The following KIF1C variants were observed in gnomAD, a reference collection of about 807,000 sequenced individuals.
KIF1C encodes the protein kinesin-like protein KIF1C.
In KIF1C, 61 loss-of-function variants were observed where a neutral mutation model predicts 126.5. The ratio of observed to expected loss-of-function variants is 0.48; its 90% confidence interval spans 0.39 to 0.60. The LOEUF (loss-of-function observed/expected upper bound fraction) is 0.60, where lower values mean the gene tolerates loss of function less well. KIF1C is among the 20% of genes least tolerant of loss of function. KIF1C has a pLI of 0.00. For missense variants in KIF1C, 1,315 were observed against 1,489.2 expected (o/e 0.88, Z 1.93); for synonymous variants, 640 against 580.6 (o/e 1.10, Z -1.47).
Position 5,024,032 on chromosome 17 carries a change from C to A in KIF1C, c.3193C>A (p.Pro1065Thr), listed in dbSNP as rs1200208611. 6.3e-7 allele frequency: 1 copy of A among 1,594,420 alleles called. No homozygotes were observed. Among genetic ancestry groups the A allele is most frequent in the Non-Finnish European group, 8.5e-7 (1 of 1,169,954 alleles). The change falls in exon 23 of 23, where the codon CCC (proline) becomes ACC (threonine). Residue 1065 changes from proline to threonine, a missense_variant. By Grantham distance (38) the Pro-to-Thr change is conservative. This residue lies in a region of KIF1C where 441 missense variants were observed against 436.1 expected (regional missense o/e 1.01). Coordinates refer to ENST00000320785, the MANE Select transcript of KIF1C (RefSeq NM_006612.6). The part of the protein sequence containing the change: ...PKKHNSYPQP[P>T]QPYPAQRPPG... ...AAAGCACAACTCTTATCCCCAGCCA[C>A]CCCAACCCTACCCAGCCCAGCGGCC... is the stretch of plus-strand genomic sequence containing the variant.
intron 3 of KIF1C, 91 bp from the exon 4 acceptor site, chr17:5,000,681 T>A: frequency 8.9e-7 from 1 of 1,128,592 alleles, no homozygotes; most frequent in Non-Finnish European, 1.4e-6. Context: ...AGGAGTGGGA[T>A]GCTTGGATTC....
rs1214532622 is a variant in KIF1C at position 5,026,898 on chromosome 17, G to A, written c.*2747G>A. 6.6e-6 allele frequency: 1 copy of A among 151,900 alleles called. No homozygotes were observed. Among genetic ancestry groups the A allele is most frequent in the African/African-American group, 2.4e-5 (1 of 41,354 alleles). The allele number at this position is 151,900 out of a possible 1,614,324, so 9.4% of individuals were successfully genotyped here. ...AGGCCAGGAATTTGAGACCAGCCTG[G>A]GCAACATAGTGAGACTGCCCCCCCC... is the stretch of plus-strand genomic sequence containing the variant. On this transcript the variant is annotated 3_prime_UTR_variant, in exon 23 of 23. Transcript: ENST00000320785.
intron 16 of KIF1C, among the ~76,000 whole-genome samples, chr17:5,012,518 G>T (rs954699813): frequency 2.0e-5 from 3 of 152,102 alleles, no homozygotes; most frequent in Non-Finnish European, 4.4e-5. Flanking sequence ...ATGGACTGGA[G>T]CCGGGACATG....
Position 5,023,453 on chromosome 17 carries a change from A to G in KIF1C, c.2629-15A>G, listed in dbSNP as rs1200541367. On this transcript the variant is annotated splice_polypyrimidine_tract_variant and intron_variant, in intron 22 of 22. Transcript: ENST00000320785. The surrounding 1 kb of genome is among the most constrained non-coding windows in gnomAD (Gnocchi z 4.2). ...TCCTCACATCCCTTCTCCTTTTCTC[A>G]CTCCTCCCTCCCAGGATCATGAGGA... The G allele has an allele frequency of 1.2e-6, 2 of 1,607,030 alleles. No individual in the cohort carries two copies. Among genetic ancestry groups the G allele is most frequent in the Admixed American group, 3.4e-5 (2 of 59,616 alleles).
At chr17:5,009,024 T>C (rs1318212293) in intron 16 of KIF1C, among the ~76,000 whole-genome samples, 1 of 151,574 alleles carries the variant, frequency 6.6e-6, no homozygotes, top group Non-Finnish European at 1.5e-5. Flanking sequence ...ATTGTTCTTA[T>C]AAAGGTAATA....
chr17:5,003,716 T>C, intron 9 of KIF1C, 27 bp downstream of exon 9: 1 of 1,603,460 alleles, frequency 6.2e-7, no homozygotes, highest in Non-Finnish European at 8.5e-7. Flanking sequence ...GGGTGGTTTG[T>C]TGTGGGGCAG....
At chr17:5,012,560 A>G (rs911155445) in intron 16 of KIF1C, among the ~76,000 whole-genome samples, 2 of 152,036 alleles carry the variant, frequency 1.3e-5, no homozygotes, top group African/African-American at 4.8e-5. Flanking sequence ...GGGAAAAAGT[A>G]GGCTCAAGTC....
Position 5,023,473 on chromosome 17 carries a change from T to C in KIF1C, c.2634T>C (p.His878=), listed in dbSNP as rs1300906935. The change falls in exon 23 of 23, where the codon CAT becomes CAC. Residue 878 remains histidine, a synonymous_variant. Coordinates refer to ENST00000320785, the MANE Select transcript of KIF1C (RefSeq NM_006612.6). This position sits in a 1 kb window ranked among gnomAD's most constrained non-coding sequence, Gnocchi z 4.2. ...TTCTCACTCCTCCCTCCCAGGATCA[T>C]GAGGATGAGAATGAAGAAGGTGGTG... ...MERVIPLAQD[H]EDENEEGGEV... 6.2e-7 allele frequency: 1 copy of C among 1,612,172 alleles called. No individual in the cohort carries two copies. The highest frequency in any genetic ancestry group is 1.1e-5 in the South Asian group (1 of 91,026).
At chr17:5,015,547 G>A (rs1175946168) in intron 18 of KIF1C, among the ~76,000 whole-genome samples, 5 of 145,994 alleles carry the variant, frequency 3.4e-5, no homozygotes, top group African/African-American at 1.0e-4. Context: ...GCCTTCCGAA[G>A]TGCTGGGATT....
At chr17:5,001,128 C>G (rs375912561) in intron 4 of KIF1C, 94 bp from the exon 5 acceptor site, 12 of 1,316,628 alleles carry the variant, frequency 9.1e-6, no homozygotes, top group African/African-American at 1.5e-5. Flanking sequence ...TTTGGGGAAT[C>G]GTCAGTGATG....
chr17:5,014,217 G>GGT (rs1399632200), intron 17 of KIF1C: 1 of 174,604 alleles, frequency 5.7e-6, no homozygotes, highest in African/African-American at 2.4e-5. Flanking sequence ...GGCTGTCCTT[G>GGT]GTAGTCATCT....
At position 5,002,712 on chromosome 17, in the gene KIF1C, C is replaced by T. The variant is rs571473223; in HGVS notation, c.609-19C>T. 2 of 1,613,714 alleles carry T rather than the reference C, an allele frequency of 1.2e-6. No individual in the cohort carries two copies. Among genetic ancestry groups the T allele is most frequent in the Non-Finnish European group, 1.7e-6 (2 of 1,179,648 alleles). ...GAAGGTGAGAGGCAGGATCCAGTGACTGCTTTCTTTACCCTAAGGACTGTG... is the reference window on the plus strand; with the variant it reads ...GAAGGTGAGAGGCAGGATCCAGTGATTGCTTTCTTTACCCTAAGGACTGTG... On this transcript the variant is annotated intron_variant, in intron 7 of 22. Transcript: ENST00000320785.
Position 5,004,910 on chromosome 17 carries a change from A to G in KIF1C, c.1075A>G (p.Asn359Asp). 6.2e-7 allele frequency: 1 copy of G among 1,614,202 alleles called. No homozygotes were observed. Among genetic ancestry groups the G allele is most frequent in the African/African-American group, 1.3e-5 (1 of 75,052 alleles). The change falls in exon 13 of 23, where the codon AAT becomes GAT. Residue 359 changes from asparagine to aspartate, a missense_variant. Transcript: ENST00000320785. ...CAATGCCATCATCAACGAGGACCCT[A>G]ATGCCCGGCTGATTAGAGAGCTGCA... is the stretch of plus-strand genomic sequence containing the variant. ...RCNAIINEDP[N>D]ARLIRELQEE...
At position 5,023,883 on chromosome 17, in the gene KIF1C, C is replaced by T. The variant is rs375145620; in HGVS notation, c.3044C>T (p.Thr1015Ile). 2 of 1,541,470 alleles carry T rather than the reference C, an allele frequency of 1.3e-6. No individual in the cohort carries two copies. Among genetic ancestry groups the T allele is most frequent in the African/African-American group, 1.4e-5 (1 of 72,578 alleles). The change falls in exon 23 of 23, where the codon ACC becomes ATC. Residue 1015 changes from threonine (T) to isoleucine (I), a missense_variant. Physicochemically the swap from Thr to Ile is moderately conservative, Grantham distance 89 (BLOSUM62 -1). This residue lies in a region of KIF1C where 441 missense variants were observed against 436.1 expected (regional missense o/e 1.01). Transcript: ENST00000320785. This position sits in a 1 kb window ranked among gnomAD's most constrained non-coding sequence, Gnocchi z 4.2. ...GAGGAGGTCACTCCCCATCCAGCCA[C>T]CCCTGCCCGCCGGCCTCCGAGTCCC... Reference protein sequence around the residue: ...PPEEVTPHPATPARRPPSPRR... With the variant: ...PPEEVTPHPAIPARRPPSPRR...
chr17:5,023,581 C>T lies in KIF1C; in HGVS notation c.2742C>T (p.Pro914=), dbSNP rs745907130. The change falls in exon 23 of 23, where the codon CCC becomes CCT. Residue 914 remains proline, a synonymous_variant. Transcript: ENST00000320785. This position sits in a 1 kb window ranked among gnomAD's most constrained non-coding sequence, Gnocchi z 4.2. The part of the protein sequence containing the change: ...PSDRMPSARP[P]SPPLSSWERV... ...ACCGCATGCCGTCAGCCCGGCCCCCCTCGCCACCACTGTCAAGCTGGGAGC... is the reference window on the plus strand; with the variant it reads ...ACCGCATGCCGTCAGCCCGGCCCCCTTCGCCACCACTGTCAAGCTGGGAGC... The T allele has an allele frequency of 4.3e-6, 7 of 1,613,550 alleles. No individual in the cohort carries two copies. Among genetic ancestry groups the T allele is most frequent in the Non-Finnish European group, 5.9e-6 (7 of 1,179,860 alleles).
chr17:5,028,100 TGTGA>T lies in KIF1C; in HGVS notation c.*3954_*3957del, dbSNP rs1975239533. ...CCCTCTCAAATTGCCCAGGCTGTCC[TGTGA>T]GTGACAGCAGCTATTTCGTGGGCCT... On this transcript the variant is annotated 3_prime_UTR_variant, in exon 23 of 23. Transcript: ENST00000320785. 1 of 152,230 alleles carries T rather than the reference TGTGA, an allele frequency of 6.6e-6. No individual in the cohort carries two copies. Among genetic ancestry groups the T allele is most frequent in the African/African-American group, 2.4e-5 (1 of 41,464 alleles). The allele number at this position is 152,230 out of a possible 1,614,324, so 9.4% of individuals were successfully genotyped here.
At chr17:5,004,456 C>A in intron 11 of KIF1C, 111 bp from the exon 12 acceptor site, 1 of 979,452 alleles carries the variant, frequency 1.0e-6, no homozygotes, top group Non-Finnish European at 1.6e-6. Context: ...CTACCTCAGA[C>A]CATGACCCTG....
In KIF1C at chr17:5,022,500, G is replaced by C. The variant is rs1477487835; in HGVS notation, c.2419G>C (p.Val807Leu). Residue 807 changes from valine (V) to leucine (L), a missense_variant, in exon 22 of 23, where the codon GTA (valine) becomes CTA (leucine). By Grantham distance (32) the Val-to-Leu change is conservative. This residue lies in a region of KIF1C where 441 missense variants were observed against 436.1 expected (regional missense o/e 1.01). Transcript: ENST00000320785. This position sits in a 1 kb window ranked among gnomAD's most constrained non-coding sequence, Gnocchi z 4.9. ...TGTGGCCCGGGATGTCTGGGACACT[G>C]TAGGCGAGGAGGAAGGAGGTGGAGC... ...RAVARDVWDT[V>L]GEEEGGGAGS... 3 of 1,587,668 alleles carry C rather than the reference G, an allele frequency of 1.9e-6. No individual in the cohort carries two copies. In the East Asian group the frequency reaches 6.9e-5, roughly 36 times the overall value.
At chr17:4,998,670 T>G (rs1974467457) in intron 1 of KIF1C, among the ~76,000 whole-genome samples, 1 of 152,192 alleles carries the variant, frequency 6.6e-6, no homozygotes, top group African/African-American at 2.4e-5. Flanking sequence ...CTGAGCCAGC[T>G]TCTGTGATTC....
Sources: gnomAD v4.1 joint callset for allele counts (sites outside exome capture counted in the v4.1 genomes callset) on GRCh38, gnomAD v4.1.1 for gene constraint, gnomAD v4.1.1 regional missense constraint, Gnocchi (gnomAD v3.1) non-coding constraint, MANE v1.5 for transcripts, NCBI Gene and HGNC (gene_info 2026-07-23, HGNC 2026-07-21) for gene names.